The following AHSG variants were observed in gnomAD, a reference collection of about 807,000 sequenced individuals.
AHSG encodes the protein alpha-2-HS-glycoprotein.
In AHSG, 23 loss-of-function variants were observed where a neutral mutation model predicts 30.1. The observed-to-expected ratio is 0.76, with a 90% CI of 0.55 to 1.08. The LOEUF is 1.08. Ranked by LOEUF, AHSG falls within the 50% of genes least tolerant of loss-of-function variation. The pLI, the probability that AHSG is intolerant of heterozygous loss-of-function variation, is 0.00. For synonymous variants in AHSG, 164 were observed against 186.3 expected (o/e 0.88, Z 0.98); for missense variants, 469 against 459.5 (o/e 1.02, Z -0.19).
intron 2 of AHSG, among the ~76,000 whole-genome samples, chr3:186,615,996 G>A (rs1412076136): frequency 6.6e-6 from 1 of 152,200 alleles, no homozygotes. Context: ...AGGAGTTCAA[G>A]ACCAGCCTGG....
rs2070635 is a variant in AHSG at position 186,618,387 on chromosome 3, A to G, written c.574-149A>G. On this transcript the variant is annotated intron_variant, in intron 4 of 6. Transcript: ENST00000411641. Reference sequence around the variant, plus strand: ...AACACAACCCCATAGCAACTGCCCTATGTAAGCCATTGAGGGACATGTCTT... The same window carrying G: ...AACACAACCCCATAGCAACTGCCCTGTGTAAGCCATTGAGGGACATGTCTT... The G allele has an allele frequency of 0.45, 583,837 of 1,309,236 alleles. 136,596 individuals carry two copies. The highest frequency in any genetic ancestry group is 0.6 in the East Asian group (22,719 of 38,066). The allele number at this position is 1,309,236 out of a possible 1,614,324, so 81.1% of individuals were successfully genotyped here. A position where few individuals can be genotyped will look rare whatever the true frequency, so the allele number is the denominator to read the frequency against.
intron 1 of AHSG, among the ~76,000 whole-genome samples, chr3:186,614,954 A>G (rs988584986): frequency 6.6e-6 from 1 of 151,698 alleles, no homozygotes; most frequent in Non-Finnish European, 1.5e-5. Flanking sequence ...AATATCTCCA[A>G]GGATTGTTGC....
intron 4 of AHSG, chr3:186,617,777 T>C: frequency 3.9e-6 from 1 of 256,078 alleles, no homozygotes; most frequent in Non-Finnish European, 7.8e-6. Context: ...CTGACAAGCT[T>C]ATAATGGCAA....
chr3:186,616,335 A>G (rs2108500947), intron 2 of AHSG, 108 bp from the exon 3 acceptor site: 2 of 736,956 alleles, frequency 2.7e-6, no homozygotes, highest in South Asian at 1.8e-5. Flanking sequence ...AGTATTACCC[A>G]GCAAAGGCGA....
intron 6 of AHSG, among the ~76,000 whole-genome samples, 166 bp from the exon 7 acceptor site, chr3:186,620,420 C>G (rs1184845759): frequency 6.6e-6 from 1 of 152,150 alleles, no homozygotes; most frequent in Non-Finnish European, 1.5e-5. Context: ...CTCCTTGTAA[C>G]CTTGATGACA....
At position 186,617,277 on chromosome 3, in the gene AHSG, C is replaced by T; in HGVS notation, c.500C>T (p.Ala167Val). The T allele has an allele frequency of 5.0e-6, 8 of 1,614,202 alleles. No homozygotes were observed. Among genetic ancestry groups the T allele is most frequent in the South Asian group, 1.1e-5 (1 of 91,088 alleles). The change falls in exon 4 of 7, where the codon GCC becomes GTC. Residue 167 changes from alanine (A) to valine (V), a missense_variant. By Grantham distance (64) the Ala-to-Val change is moderately conservative. Coordinates refer to ENST00000411641, the MANE Select transcript of AHSG (RefSeq NM_001622.4). ...AGGGTGGTGCACGCCGCGAAAGCTG[C>T]CCTGGCCGCCTTCAACGCTCAGAAC... ...DTRVVHAAKA[A>V]LAAFNAQNNG... is the part of the protein sequence containing the mutation.
At chr3:186,620,355 C>A (rs1716442416) in intron 6 of AHSG, among the ~76,000 whole-genome samples, 1 of 152,110 alleles carries the variant, frequency 6.6e-6, no homozygotes, top group African/African-American at 2.4e-5. Context: ...GCGTGTAAGT[C>A]CACCATCACA....
rs1030440516 is a variant in AHSG, at chr3:186,613,364, C to T, written c.213+10C>T. The stretch of plus-strand genomic sequence containing the variant: ...AAAGGTGTGGCCTCAGGTAAGTGGA[C>T]CTGCTGTCTATGAGCTGAAATAATG... On this transcript the variant is annotated intron_variant, in intron 1 of 6. Transcript: ENST00000411641. 1.9e-6 allele frequency: 3 copies of T among 1,604,338 alleles called. No homozygotes were observed. Among genetic ancestry groups the T allele is most frequent in the East Asian group, 4.5e-5 (2 of 44,848 alleles).
chr3:186,614,618 T>C (rs1716239543), intron 1 of AHSG, among the ~76,000 whole-genome samples: 2 of 152,208 alleles, frequency 1.3e-5, no homozygotes, highest in Non-Finnish European at 2.9e-5. Context: ...CACGCACATC[T>C]GAGGGAAAAG....
chr3:186,615,589 C>A (rs1352858258), intron 1 of AHSG, 96 bp from the exon 2 acceptor site: 9 of 897,414 alleles, frequency 1.0e-5, no homozygotes, highest in Non-Finnish European at 1.7e-5. Flanking sequence ...TCTCCAAAAG[C>A]GGGGTGCTCT....
At chr3:186,620,080 C>A in intron 6 of AHSG, 140 bp downstream of exon 6, 1 of 568,574 alleles carries the variant, frequency 1.8e-6, no homozygotes, top group Non-Finnish European at 2.9e-6. Flanking sequence ...CTGGGGTATG[C>A]GGAATCATCA....
chr3:186,620,499 A>G, intron 6 of AHSG, 87 bp from the exon 7 acceptor site: 1 of 1,121,218 alleles, frequency 8.9e-7, no homozygotes, highest in Non-Finnish European at 1.3e-6. Context: ...ATGTGAGGAA[A>G]TTGGGTGCCA....
intron 4 of AHSG, chr3:186,617,707 C>T (rs779901310): frequency 5.4e-6 from 2 of 372,538 alleles, no homozygotes; most frequent in Non-Finnish European, 1.0e-5. Context: ...TTGCTGGGCT[C>T]CAGTACCACC....
chr3:186,614,852 CAG>C (rs1716248409), intron 1 of AHSG, among the ~76,000 whole-genome samples: 1 of 152,174 alleles, frequency 6.6e-6, no homozygotes, highest in African/African-American at 2.4e-5. Flanking sequence ...GAGAGGCAAA[CAG>C]AGCTGGGCTG....
chr3:186,617,348 G>T lies in AHSG; in HGVS notation c.571G>T (p.Val191Leu). ...GGAGGAAATTTCCCGGGCTCAGCTT[G>T]TGGTAAAGACTGAGATTCTTTTGAC... ...QLEEISRAQL[V>L]PLPPSTYVEF... The change falls in exon 4 of 7, where the codon GTG becomes TTG. Residue 191 changes from valine (V) to leucine (L), a missense_variant and splice_region_variant. Val to Leu is a conservative substitution (Grantham distance 32). Transcript: ENST00000411641. 1 of 1,614,246 alleles carries T rather than the reference G, an allele frequency of 6.2e-7. No individual in the cohort carries two copies. Among genetic ancestry groups the T allele is most frequent in the Non-Finnish European group, 8.5e-7 (1 of 1,180,042 alleles).
chr3:186,618,765 G>C (rs1252103370), intron 5 of AHSG, 128 bp downstream of exon 5: 1 of 1,444,690 alleles, frequency 6.9e-7, no homozygotes, highest in Admixed American at 2.2e-5. Flanking sequence ...TCTCCCTGTG[G>C]ATCACGGCAA....
In AHSG at chr3:186,619,875, G is replaced by A; in HGVS notation, c.694G>A (p.Ala232Thr). ...LAEKQYGFCK[A>T]TLSEKLGGAE... The stretch of plus-strand genomic sequence containing the variant: ...TGGGCAGCAATATGGCTTTTGTAAG[G>A]CAACACTCAGTGAGAAGCTTGGTGG... Residue 232 changes from alanine (A) to threonine (T), a missense_variant, in exon 6 of 7, where the codon GCA (alanine) becomes ACA (threonine). By Grantham distance (58) the Ala-to-Thr change is moderately conservative. Coordinates refer to ENST00000411641, the MANE Select transcript of AHSG (RefSeq NM_001622.4). 1.2e-6 allele frequency: 2 copies of A among 1,613,014 alleles called. No homozygotes were observed. Among genetic ancestry groups the A allele is most frequent in the South Asian group, 1.1e-5 (1 of 90,914 alleles).
intron 5 of AHSG, among the ~76,000 whole-genome samples, chr3:186,618,982 C>T (rs910112840): frequency 6.6e-6 from 1 of 152,190 alleles, no homozygotes; most frequent in Non-Finnish European, 1.5e-5. Context: ...ATAATGTACA[C>T]TTCTAGGATT....
chr3:186,620,585 G>A lies in AHSG; in HGVS notation c.760-1G>A, dbSNP rs764033513. On this transcript the variant is annotated splice_acceptor_variant, in intron 6 of 6. Transcript: ENST00000411641. LOFTEE classifies it high-confidence loss of function. ...ACTGAAGGAAATGGTCCTTTTTCCA[G>A]CCCGTGAGCTCACAGCCCCAACCAG... The A allele has an allele frequency of 1.9e-6, 3 of 1,587,270 alleles. No individual in the cohort carries two copies. The highest frequency in any genetic ancestry group is 2.6e-6 in the Non-Finnish European group (3 of 1,161,182).
Sources: gnomAD v4.1 joint callset for allele counts (sites outside exome capture counted in the v4.1 genomes callset) on GRCh38, gnomAD v4.1.1 for gene constraint, MANE v1.5 for transcripts, NCBI Gene and HGNC (gene_info 2026-07-23, HGNC 2026-07-21) for gene names.